The following ARHGEF10 variants were observed in gnomAD, a reference collection of about 807,000 sequenced individuals.
ARHGEF10 encodes Rho guanine nucleotide exchange factor 10, also known as Rho guanine nucleotide exchange factor (GEF) 10.
In ARHGEF10, 140 loss-of-function variants were observed where a neutral mutation model predicts 147.4. That is an observed-to-expected ratio of 0.95 (90% CI 0.83 to 1.09). The LOEUF is 1.09. Among genes scored for constraint, ARHGEF10 ranks in the 50% least tolerant of loss-of-function variants. The pLI, the probability that ARHGEF10 is intolerant of heterozygous loss-of-function variation, is 0.00. For synonymous variants in ARHGEF10, 902 were observed against 695.8 expected (o/e 1.30, Z -4.67); for missense variants, 2,222 against 1,752.7 (o/e 1.27, Z -4.78).
intron 11 of ARHGEF10, 96 bp from the exon 12 acceptor site, chr8:1,893,473 A>G (rs1809714328): frequency 1.2e-6 from 1 of 835,206 alleles, no homozygotes; most frequent in South Asian, 1.4e-5. Context: ...TAAAAATAGA[A>G]AAGTTACTTA....
intron 4 of ARHGEF10, among the ~76,000 whole-genome samples, chr8:1,861,163 C>T (rs936684393): frequency 6.6e-6 from 1 of 152,366 alleles, no homozygotes; most frequent in African/African-American, 2.4e-5. Context: ...CTTCCTCCTC[C>T]ACTTAGTGAG....
intron 11 of ARHGEF10, 124 bp downstream of exon 11, chr8:1,885,831 TC>T: frequency 1.3e-6 from 1 of 774,590 alleles, no homozygotes. Flanking sequence ...ACTCGGGCCC[TC>T]CACTGTAGGT....
chr8:1,825,736 T>G (rs1307431250), intron 1 of ARHGEF10, among the ~76,000 whole-genome samples: 3 of 152,138 alleles, frequency 2.0e-5, no homozygotes, highest in Non-Finnish European at 1.5e-5. Flanking sequence ...TGATATTGAT[T>G]CCAGTCACTA....
chr8:1,884,415 G>A (rs920666116), intron 10 of ARHGEF10, among the ~76,000 whole-genome samples: 2 of 149,536 alleles, frequency 1.3e-5, no homozygotes, highest in Admixed American at 6.7e-5. Flanking sequence ...AAAAAAAAGG[G>A]CAAATCCCTA....
rs58968416 is a variant in ARHGEF10 at position 1,912,520 on chromosome 8, C to T, written c.2143+3050C>T. ...GAGCTCCCCATCCCTGCAAAAGCAC[C>T]GTGTGGATTGTGGGTTTGCTGTCCG... On this transcript the variant is annotated intron_variant, in intron 18 of 28. Coordinates refer to ENST00000349830, the MANE Select transcript of ARHGEF10 (RefSeq NM_014629.4). Among the ~76,000 whole-genome samples the T allele has an allele frequency of 8.2e-5, 9 of 109,394 alleles. 1 individual carries two copies. The highest frequency in any genetic ancestry group is 4.9e-4 in the South Asian group (2 of 4,088). The allele number at this position is 109,394 out of a possible 152,430, so 71.8% of individuals were successfully genotyped here.
chr8:1,845,293 G>C (rs1224739740), intron 2 of ARHGEF10, among the ~76,000 whole-genome samples: 5 of 152,268 alleles, frequency 3.3e-5, no homozygotes, highest in Admixed American at 2.0e-4. Context: ...CCCTCCAGGG[G>C]CCCCCTCCCG....
intron 2 of ARHGEF10, among the ~76,000 whole-genome samples, chr8:1,856,860 G>A (rs1665186929): frequency 6.6e-6 from 1 of 152,214 alleles, no homozygotes. Flanking sequence ...CCCAGCCCTT[G>A]GGAAAGGCTG....
At chr8:1,867,573 A>T (rs1360742672) in intron 6 of ARHGEF10, among the ~76,000 whole-genome samples, 1 of 152,198 alleles carries the variant, frequency 6.6e-6, no homozygotes, top group Non-Finnish European at 1.5e-5. Flanking sequence ...CTTCCGTACA[A>T]TTCAGAGTAA....
chr8:1,908,483 T>C lies in ARHGEF10; in HGVS notation c.1968-812T>C, dbSNP rs148437597. Among the ~76,000 whole-genome samples, 1,305 of 152,242 alleles carry C rather than the reference T, an allele frequency of 8.6e-3. 17 individuals carry two copies. The highest frequency in any genetic ancestry group is 0.029 in the African/African-American group (1,200 of 41,546). On this transcript the variant is annotated intron_variant, in intron 17 of 28. Transcript: ENST00000349830. ...TCCTGACCTTGTGATCTGCCTGCCT[T>C]GGCCTCCCAAAGTGCTGGGATTACA...
chr8:1,954,565 T>G (rs1338885036), intron 28 of ARHGEF10, among the ~76,000 whole-genome samples: 1 of 152,152 alleles, frequency 6.6e-6, no homozygotes, highest in African/African-American at 2.4e-5. Context: ...AACGCACAGT[T>G]TCACAGTTTA....
intron 1 of ARHGEF10, among the ~76,000 whole-genome samples, chr8:1,833,968 C>T (rs1370433332): frequency 6.6e-6 from 1 of 152,232 alleles, no homozygotes; most frequent in East Asian, 2.0e-4. Context: ...CTCGGGGGCA[C>T]TAGAGGAGAG....
intron 6 of ARHGEF10, among the ~76,000 whole-genome samples, chr8:1,867,971 G>C (rs1265155346): frequency 1.3e-5 from 2 of 152,218 alleles, no homozygotes; most frequent in Admixed American, 6.5e-5. Flanking sequence ...TTATTGTCTT[G>C]GCTGTTTGCT....
At chr8:1,938,041 A>T (rs1813763787) in intron 26 of ARHGEF10, among the ~76,000 whole-genome samples, 1 of 152,162 alleles carries the variant, frequency 6.6e-6, no homozygotes, top group African/African-American at 2.4e-5. Flanking sequence ...CCAACGTGGC[A>T]GGGGGCACCC....
Position 1,945,490 on chromosome 8 carries a change from G to C in ARHGEF10, c.3232G>C (p.Glu1078Gln). Residue 1078 changes from glutamate to glutamine, a missense_variant, in exon 27 of 29, where the codon GAG (glutamate) becomes CAG (glutamine). Transcript: ENST00000349830. Reference protein sequence around the residue: ...VETHAVEGQLEAHQEEGMVIS... With the variant: ...VETHAVEGQLQAHQEEGMVIS... ...CCTCTCGATTTCACAGGGTCAGCTGGAGGCCCACCAGGAGGAAGGCATGGT... is the reference window on the plus strand; with the variant it reads ...CCTCTCGATTTCACAGGGTCAGCTGCAGGCCCACCAGGAGGAAGGCATGGT... 1 of 1,602,148 alleles carries C rather than the reference G, an allele frequency of 6.2e-7. No homozygotes were observed. The highest frequency in any genetic ancestry group is 8.5e-7 in the Non-Finnish European group (1 of 1,174,288).
chr8:1,938,634 CAG>C (rs1304196513), intron 26 of ARHGEF10, among the ~76,000 whole-genome samples: 1 of 152,066 alleles, frequency 6.6e-6, no homozygotes, highest in Non-Finnish European at 1.5e-5. Context: ...GAAAGAAACA[CAG>C]GGCAACAAAA....
At chr8:1,888,869 G>T (rs796406310) in intron 11 of ARHGEF10, among the ~76,000 whole-genome samples, 13 of 91,756 alleles carry the variant, frequency 1.4e-4, no homozygotes, top group Non-Finnish European at 1.5e-4. Context: ...GACACTGAGT[G>T]GGGTGAGAGT....
chr8:1,829,728 G>A (rs531338292), intron 1 of ARHGEF10, among the ~76,000 whole-genome samples: 1 of 152,336 alleles, frequency 6.6e-6, no homozygotes, highest in African/African-American at 2.4e-5. Context: ...TGCAGCTGGA[G>A]TCTAAACGAG....
intron 1 of ARHGEF10, among the ~76,000 whole-genome samples, chr8:1,830,373 C>CA (rs1803021600): frequency 6.6e-6 from 1 of 152,188 alleles, no homozygotes; most frequent in Admixed American, 6.5e-5. Flanking sequence ...GGGGGCCGTG[C>CA]AAACACCTGC....
At chr8:1,836,583 T>C (rs1803596128) in intron 1 of ARHGEF10, among the ~76,000 whole-genome samples, 1 of 152,094 alleles carries the variant, frequency 6.6e-6, no homozygotes, top group Non-Finnish European at 1.5e-5. Flanking sequence ...GGGACACAGA[T>C]ACTTCTCACA....
Sources: allele counts gnomAD v4.1 joint callset (sites outside exome capture counted in the v4.1 genomes callset), GRCh38; gene constraint gnomAD v4.1.1; transcripts MANE v1.5; gene names NCBI Gene and HGNC (gene_info 2026-07-23, HGNC 2026-07-21).